DCK: variants seen among roughly 807,000 people sequenced by gnomAD.
DCK encodes the protein deoxyadenosine kinase.
Under a neutral mutation model 38.3 loss-of-function variants are expected in DCK, and 23 were observed. The observed-to-expected ratio is 0.60, with a 90% CI of 0.43 to 0.85. The LOEUF (loss-of-function observed/expected upper bound fraction) is 0.85. Ranked by LOEUF, DCK falls within the 40% of genes least tolerant of loss-of-function variation. The pLI is 0.00. For synonymous variants in DCK, 108 were observed against 100.6 expected (o/e 1.07, Z -0.44); for missense variants, 259 against 304.4 (o/e 0.85, Z 1.11).
At chr4:70,997,684 CTG>C (rs1404277618) in intron 1 of DCK, among the ~76,000 whole-genome samples, 1 of 152,070 alleles carries the variant, frequency 6.6e-6, no homozygotes, top group East Asian at 1.9e-4. Flanking sequence ...ATATGTTCAT[CTG>C]TGTGTGTGTG....
At chr4:70,996,106 G>A (rs1008419216) in intron 1 of DCK, among the ~76,000 whole-genome samples, 9 of 152,022 alleles carry the variant, frequency 5.9e-5, no homozygotes, top group Admixed American at 2.6e-4. Flanking sequence ...CTACTCAGGC[G>A]GCTGATGCTG....
chr4:71,006,031 C>T (rs566696887), intron 2 of DCK, among the ~76,000 whole-genome samples: 3 of 137,730 alleles, frequency 2.2e-5, no homozygotes, highest in East Asian at 2.4e-4. Context: ...GAGGCTGAGG[C>T]GGGAGAATTG....
chr4:71,007,623 C>T (rs903296932), intron 2 of DCK, among the ~76,000 whole-genome samples: 2 of 152,146 alleles, frequency 1.3e-5, no homozygotes, highest in African/African-American at 4.8e-5. Context: ...CTTTTTTCCT[C>T]TCGCTTCTTT....
chr4:71,021,874 C>T (rs772796347), intron 2 of DCK, among the ~76,000 whole-genome samples: 47 of 152,112 alleles, frequency 3.1e-4, no homozygotes, highest in African/African-American at 1.0e-3. Context: ...TGGTGGCACG[C>T]GCCTGTAGTC....
At chr4:70,996,987 C>T (rs1739672729) in intron 1 of DCK, among the ~76,000 whole-genome samples, 1 of 152,142 alleles carries the variant, frequency 6.6e-6, no homozygotes, top group Admixed American at 6.5e-5. Flanking sequence ...CACTTTGCCC[C>T]AATAAGTTAA....
At chr4:70,998,790 G>T (rs1162787043) in intron 2 of DCK, among the ~76,000 whole-genome samples, 1 of 152,016 alleles carries the variant, frequency 6.6e-6, no homozygotes, top group Non-Finnish European at 1.5e-5. Context: ...TGAACGTGGT[G>T]GTGGGCACCT....
Position 71,023,767 on chromosome 4 carries a change from A to C in DCK, c.549+61A>C. The C allele has an allele frequency of 2.0e-6, 3 of 1,533,402 alleles. No individual in the cohort carries two copies. The South Asian group carries it at 3.8e-5, about 19-fold the overall frequency. The allele number at this position is 1,533,402 out of a possible 1,614,324, so 95.0% of individuals were successfully genotyped here. On this transcript the variant is annotated intron_variant, in intron 4 of 6. Coordinates refer to ENST00000286648, the MANE Select transcript of DCK (RefSeq NM_000788.3). ...TAAAGAAATATTTAGAACTCTTTTC[A>C]GTGGTATATAATGAGGGCAATTTAG...
At position 71,025,805 on chromosome 4, in the gene DCK, C is replaced by T; in HGVS notation, c.550-11C>T. ...TGCCTTTTTCTTCCATCTCTTATTA[C>T]TTGCTTTTAGACATGCTTACATAGA... On this transcript the variant is annotated splice_polypyrimidine_tract_variant and intron_variant, in intron 4 of 6. Coordinates refer to ENST00000286648, the MANE Select transcript of DCK (RefSeq NM_000788.3). 1 of 1,581,268 alleles carries T rather than the reference C, an allele frequency of 6.3e-7. No homozygotes were observed. Among genetic ancestry groups the T allele is most frequent in the Non-Finnish European group, 8.6e-7 (1 of 1,168,312 alleles).
intron 2 of DCK, among the ~76,000 whole-genome samples, chr4:71,004,467 T>C (rs1739889792): frequency 6.6e-6 from 1 of 152,142 alleles, no homozygotes; most frequent in Non-Finnish European, 1.5e-5. Context: ...CTGCCTGTCC[T>C]TTAGCAGAGC....
intron 6 of DCK, among the ~76,000 whole-genome samples, chr4:71,027,065 T>C (rs1316843480): frequency 6.6e-6 from 1 of 152,048 alleles, no homozygotes; most frequent in African/African-American, 2.4e-5. Context: ...GGTAAAATTA[T>C]AATAACAAAA....
rs1235444959 is a variant in DCK at position 71,029,493 on chromosome 4, G to A, written c.*115G>A. 1.4e-6 allele frequency: 1 copy of A among 738,206 alleles called. No homozygotes were observed. The highest frequency in any genetic ancestry group is 1.8e-5 in the South Asian group (1 of 56,392). The allele number at this position is 738,206 out of a possible 1,614,324, so 45.7% of individuals were successfully genotyped here. A position where few individuals can be genotyped will look rare whatever the true frequency, so the allele number is the denominator to read the frequency against. The stretch of plus-strand genomic sequence containing the variant: ...AAAACCCAAGTTTTTAATCGTTTTT[G>A]TTTTAAGGAAAAAAGATTTTTAAAA... On this transcript the variant is annotated 3_prime_UTR_variant, in exon 7 of 7. Transcript: ENST00000286648.
At chr4:70,996,028 G>C (rs1413475420) in intron 1 of DCK, among the ~76,000 whole-genome samples, 1 of 152,108 alleles carries the variant, frequency 6.6e-6, no homozygotes, top group Non-Finnish European at 1.5e-5. Flanking sequence ...AACATAGTGA[G>C]AACTAGTCTC....
rs544277172 is a variant in DCK, at chr4:71,011,204, AAGGGCTGGGATTAC to A, written c.208-11159_208-11146del. 2.4e-3 allele frequency among the ~76,000 whole-genome samples: 364 copies of A among 149,182 alleles called. 1 individual carries two copies. Among genetic ancestry groups the A allele is most frequent in the African/African-American group, 8.6e-3 (348 of 40,554 alleles). ...GTGATCCACCCATCTCAGCCTCCCA[AAGGGCTGGGATTAC>A]AGGTGTGAGGTCTCTTTTTTTTTTT... On this transcript the variant is annotated intron_variant, in intron 2 of 6. Transcript: ENST00000286648.
chr4:70,994,794 G>A (rs1269357935), intron 1 of DCK, among the ~76,000 whole-genome samples: 5 of 152,130 alleles, frequency 3.3e-5, no homozygotes, highest in African/African-American at 1.2e-4. Context: ...GTAAACATTG[G>A]ATTATGATTC....
chr4:71,005,071 G>T (rs1436235758), intron 2 of DCK, among the ~76,000 whole-genome samples: 2 of 152,182 alleles, frequency 1.3e-5, no homozygotes, highest in Non-Finnish European at 2.9e-5. Context: ...TGCCCAAATG[G>T]CTGTCCAGTT....
chr4:71,008,063 C>T (rs1739993917), intron 2 of DCK, among the ~76,000 whole-genome samples: 2 of 152,128 alleles, frequency 1.3e-5, no homozygotes, highest in South Asian at 2.1e-4. Flanking sequence ...CACTGTTTGT[C>T]CATTTTATAC....
At chr4:71,019,573 T>C (rs1740355820) in intron 2 of DCK, among the ~76,000 whole-genome samples, 1 of 152,148 alleles carries the variant, frequency 6.6e-6, no homozygotes, top group Admixed American at 6.5e-5. Flanking sequence ...AGAGAATATA[T>C]TACTTCATCT....
At chr4:71,017,135 T>TG (rs532772179) in intron 2 of DCK, among the ~76,000 whole-genome samples, 66 of 152,312 alleles carry the variant, frequency 4.3e-4, no homozygotes, top group African/African-American at 1.5e-3. Flanking sequence ...GAACAGACAC[T>TG]TTTCAAAAGA....
Position 71,028,632 on chromosome 4 carries a change from G to A in DCK, c.757-720G>A, listed in dbSNP as rs557672337. 212 of 428,328 alleles carry A rather than the reference G, an allele frequency of 4.9e-4. 1 individual carries two copies. Among genetic ancestry groups the A allele is most frequent in the African/African-American group, 3.3e-3 (164 of 48,988 alleles). 26.5% of individuals were successfully genotyped at this position (428,328 alleles called of 1,614,324 possible). On this transcript the variant is annotated intron_variant, in intron 6 of 6. Coordinates refer to ENST00000286648, the MANE Select transcript of DCK (RefSeq NM_000788.3). The stretch of plus-strand genomic sequence containing the variant: ...TTTTTTCTCGAGACAGTCTTGCTCC[G>A]TCGCCCAGGCTGGAGTGCAATGGCA...
Sources: gnomAD v4.1 joint callset for allele counts (sites outside exome capture counted in the v4.1 genomes callset) on GRCh38, gnomAD v4.1.1 for gene constraint, MANE v1.5 for transcripts, NCBI Gene and HGNC (gene_info 2026-07-23, HGNC 2026-07-21) for gene names.